Variants in RAPGEF5 observed in about 807,000 individuals in gnomAD.
RAPGEF5 encodes M-Ras-regulated GEF.
RAPGEF5 carries 65 observed loss-of-function variants against 125.2 expected under a neutral mutation model. That is an observed-to-expected ratio of 0.52 (90% CI 0.43 to 0.64). RAPGEF5 has a LOEUF of 0.64. Among genes scored for constraint, RAPGEF5 ranks in the 30% least tolerant of loss-of-function variants. The pLI is 0.00. For missense variants in RAPGEF5, 958 were observed against 1,048.1 expected (o/e 0.91, Z 1.19); for synonymous variants, 391 against 385.9 (o/e 1.01, Z -0.16).
chr7:22,315,741 TAC>T (rs1224541422), intron 2 of RAPGEF5, among the ~76,000 whole-genome samples: 1 of 151,892 alleles, frequency 6.6e-6, no homozygotes, highest in Admixed American at 6.6e-5. Flanking sequence ...TTTATTTAAC[TAC>T]AGTTATAAAT....
chr7:22,194,636 T>C lies in RAPGEF5; in HGVS notation c.997-603A>G, dbSNP rs1012634190. 3.0e-6 allele frequency: 3 copies of C among 985,116 alleles called. No homozygotes were observed. The African/African-American group carries it at 5.2e-5, about 17-fold the overall frequency. The allele number at this position is 985,116 out of a possible 1,614,324, so 61.0% of individuals were successfully genotyped here. On this transcript the variant is annotated intron_variant, in intron 9 of 25. Transcript: ENST00000665637. ...CTTCAAATTTATAATGTACTAGTTTTGCCAGAATATAAGCAAAAATGGATC... is the reference window on the plus strand; with the variant it reads ...CTTCAAATTTATAATGTACTAGTTTCGCCAGAATATAAGCAAAAATGGATC...
chr7:22,342,914 C>G (rs1269123368), intron 1 of RAPGEF5, among the ~76,000 whole-genome samples: 2 of 152,212 alleles, frequency 1.3e-5, no homozygotes, highest in Non-Finnish European at 2.9e-5. Flanking sequence ...GCCCTGCAAA[C>G]CGTTCCAACC....
Position 22,188,231 on chromosome 7 carries a change from A to G in RAPGEF5, c.1204+5136T>C, listed in dbSNP as rs566230547. 1.1e-4 allele frequency among the ~76,000 whole-genome samples: 16 copies of G among 152,310 alleles called. 1 individual carries two copies. The highest frequency in any genetic ancestry group is 3.8e-4 in the African/African-American group (16 of 41,574). ...GGGAGAAAAAGCCTGGAAGAAAGGC[A>G]CCCAGGATCATTCCAGGAATGCTAA... On this transcript the variant is annotated intron_variant, in intron 11 of 25. Coordinates refer to ENST00000665637, the MANE Select transcript of RAPGEF5 (RefSeq NM_012294.5).
At chr7:22,228,749 A>G (rs2128134163) in intron 8 of RAPGEF5, among the ~76,000 whole-genome samples, 1 of 149,150 alleles carries the variant, frequency 6.7e-6, no homozygotes, top group East Asian at 2.0e-4. Flanking sequence ...TCCTGACTTC[A>G]CGATCCACCT....
chr7:22,327,288 T>C (rs1296357760), intron 1 of RAPGEF5, among the ~76,000 whole-genome samples: 3 of 152,228 alleles, frequency 2.0e-5, no homozygotes, highest in Admixed American at 2.0e-4. Flanking sequence ...TGCTCAAATC[T>C]CCTGTTAGAA....
At chr7:22,262,867 G>C (rs1212730686) in intron 7 of RAPGEF5, among the ~76,000 whole-genome samples, 1 of 152,200 alleles carries the variant, frequency 6.6e-6, no homozygotes. Flanking sequence ...AGGAGACTGA[G>C]GTGGGAAGAT....
intron 7 of RAPGEF5, among the ~76,000 whole-genome samples, chr7:22,247,598 C>G (rs1178462008): frequency 6.6e-6 from 1 of 152,082 alleles, no homozygotes; most frequent in African/African-American, 2.4e-5. Flanking sequence ...TCATGTGGAA[C>G]TGTGAGTCCT....
Position 22,160,537 on chromosome 7 carries a change from G to A in RAPGEF5, c.1507C>T (p.Leu503Phe), listed in dbSNP as rs1456825659. 2 of 1,547,416 alleles carry A rather than the reference G, an allele frequency of 1.3e-6. No individual in the cohort carries two copies. The highest frequency in any genetic ancestry group is 1.7e-4 in the Middle Eastern group (1 of 5,954). Reference sequence around the variant, plus strand: ...ACTTACTGACGACGGTGCATTCCAAGTATCTTTTGAAATTCTTTCAATTCT... The same window carrying A: ...ACTTACTGACGACGGTGCATTCCAAATATCTTTTGAAATTCTTTCAATTCT... ...EKELKEFQKI[L>F]GMHRRHTVDE... The change falls in exon 14 of 26, where the codon CTT becomes TTT. Residue 503 changes from leucine (L) to phenylalanine (F), a missense_variant. Leu to Phe is a conservative substitution (Grantham distance 22). Coordinates refer to ENST00000665637, the MANE Select transcript of RAPGEF5 (RefSeq NM_012294.5).
intron 1 of RAPGEF5, among the ~76,000 whole-genome samples, chr7:22,336,865 C>T (rs1239408877): frequency 6.6e-6 from 1 of 152,130 alleles, no homozygotes; most frequent in African/African-American, 2.4e-5. Flanking sequence ...TGACAAGGAC[C>T]CCCATCTTTA....
intron 11 of RAPGEF5, among the ~76,000 whole-genome samples, chr7:22,172,492 C>G (rs1045332322): frequency 9.2e-5 from 14 of 152,050 alleles, no homozygotes; most frequent in Non-Finnish European, 2.1e-4. Context: ...ATGTATTTCT[C>G]TTGTATGTAC....
chr7:22,277,662 G>T (rs1223903881), intron 6 of RAPGEF5, among the ~76,000 whole-genome samples: 1 of 152,058 alleles, frequency 6.6e-6, no homozygotes, highest in Non-Finnish European at 1.5e-5. Context: ...TTCCTTGCTG[G>T]TTGTCACCCG....
intron 6 of RAPGEF5, among the ~76,000 whole-genome samples, chr7:22,283,357 A>G (rs1188308050): frequency 6.6e-6 from 1 of 152,224 alleles, no homozygotes; most frequent in Non-Finnish European, 1.5e-5. Context: ...ATAAAATAAC[A>G]GAAACTAATT....
chr7:22,197,896 G>GGGGA (rs374202709), intron 9 of RAPGEF5, among the ~76,000 whole-genome samples: 1 of 146,360 alleles, frequency 6.8e-6, no homozygotes, highest in African/African-American at 2.5e-5. Context: ...TTTTTTTTGG[G>GGGGA]GGGGGGTGGT....
chr7:22,193,767 C>G (rs1197895326), intron 10 of RAPGEF5, 148 bp downstream of exon 10: 1 of 1,578,908 alleles, frequency 6.3e-7, no homozygotes, highest in African/African-American at 1.3e-5. Context: ...GCTCTGCAGT[C>G]AGCTAGAACG....
intron 12 of RAPGEF5, among the ~76,000 whole-genome samples, chr7:22,166,063 T>A (rs1045502238): frequency 1.3e-4 from 19 of 146,592 alleles, no homozygotes; most frequent in Non-Finnish European, 2.2e-4. Context: ...ATATATATAT[T>A]ATATACATAT....
chr7:22,127,813 G>T (rs1205229017), intron 24 of RAPGEF5, among the ~76,000 whole-genome samples: 1 of 152,148 alleles, frequency 6.6e-6, no homozygotes, highest in African/African-American at 2.4e-5. Context: ...TTAAAATTCA[G>T]AAGAAATACA....
intron 22 of RAPGEF5, 52 bp downstream of exon 22, chr7:22,136,881 A>G: frequency 7.0e-7 from 1 of 1,430,040 alleles, no homozygotes; most frequent in Non-Finnish European, 9.7e-7. Context: ...GAAAGAAACT[A>G]GACCCTAGCA....
At chr7:22,219,773 TTAAAA>T (rs1310778120) in intron 9 of RAPGEF5, 88 bp downstream of exon 9, 2 of 1,450,318 alleles carry the variant, frequency 1.4e-6, no homozygotes, top group African/African-American at 2.8e-5. Context: ...CCTAAAGAAT[TTAAAA>T]TAAAATAGTC....
intron 8 of RAPGEF5, among the ~76,000 whole-genome samples, chr7:22,224,648 A>G (rs1409054659): frequency 6.6e-6 from 1 of 152,050 alleles, no homozygotes; most frequent in African/African-American, 2.4e-5. Flanking sequence ...TGGGGAATGG[A>G]GGCCCAGACA....
Sources: gnomAD v4.1 joint callset for allele counts (sites outside exome capture counted in the v4.1 genomes callset) on GRCh38, gnomAD v4.1.1 for gene constraint, MANE v1.5 for transcripts, NCBI Gene and HGNC (gene_info 2026-07-23, HGNC 2026-07-21) for gene names.